Variants in HS3ST3B1 observed in about 807,000 individuals in gnomAD.
HS3ST3B1 encodes the protein heparan sulfate glucosamine 3-O-sulfotransferase 3B1.
In HS3ST3B1, 13 loss-of-function variants were observed where a neutral mutation model predicts 21.3. The ratio of observed to expected loss-of-function variants is 0.61; its 90% CI spans 0.40 to 0.97. The LOEUF (loss-of-function observed/expected upper bound fraction) is 0.97. HS3ST3B1 is among the 50% of genes least tolerant of loss of function. The pLI is 0.00. For synonymous variants in HS3ST3B1, 234 were observed against 254.8 expected, an observed-to-expected ratio of 0.92 and a Z score of 0.78; for missense variants, 459 against 554.8, an observed-to-expected ratio of 0.83 and a Z score of 1.73.
intron 1 of HS3ST3B1, chr17:14,329,367 A>AAAGGAAGGAAGGAAGGAAGG (rs144191311): frequency 4.5e-4 from 48 of 106,222 alleles, no homozygotes; most frequent in African/African-American, 1.6e-3. Context: ...GAAAGAAAGA[A>AAAGGAAGGAAGGAAGGAAGG]AAGGAAGGAA....
chr17:14,332,730 C>T (rs1364120903), intron 1 of HS3ST3B1, among the ~76,000 whole-genome samples: 3 of 151,340 alleles, frequency 2.0e-5, no homozygotes, highest in Non-Finnish European at 4.4e-5. Context: ...GCAGCTGAGG[C>T]CAAGGAGCGG....
intron 1 of HS3ST3B1, among the ~76,000 whole-genome samples, chr17:14,313,658 C>A (rs1744090414): frequency 6.6e-6 from 1 of 152,102 alleles, no homozygotes; most frequent in Admixed American, 6.5e-5. Context: ...GCAACCTCCG[C>A]CTTCCAGGTT....
intron 1 of HS3ST3B1, among the ~76,000 whole-genome samples, chr17:14,336,560 A>C (rs1175280391): frequency 1.3e-5 from 2 of 152,198 alleles, no homozygotes; most frequent in Admixed American, 1.3e-4. Context: ...GTGTTTCTCC[A>C]AAGCCCTGGG....
intron 1 of HS3ST3B1, among the ~76,000 whole-genome samples, chr17:14,335,565 A>C (rs1033842969): frequency 1.3e-5 from 2 of 151,958 alleles, no homozygotes; most frequent in South Asian, 2.1e-4. Context: ...CATGGTGGCG[A>C]CACCTGTAAT....
chr17:14,338,166 A>AC (rs1420583358), intron 1 of HS3ST3B1, among the ~76,000 whole-genome samples: 2 of 151,766 alleles, frequency 1.3e-5, no homozygotes, highest in Non-Finnish European at 2.9e-5. Context: ...TTGTTCTGTC[A>AC]CCAGGCTGGA....
intron 1 of HS3ST3B1, among the ~76,000 whole-genome samples, chr17:14,337,282 G>A (rs1361006186): frequency 6.6e-6 from 1 of 151,512 alleles, no homozygotes; most frequent in Non-Finnish European, 1.5e-5. Context: ...AACTCTCAGA[G>A]GGGTGTGTGT....
chr17:14,322,192 G>A (rs1362955263), intron 1 of HS3ST3B1, among the ~76,000 whole-genome samples: 1 of 152,004 alleles, frequency 6.6e-6, no homozygotes, highest in African/African-American at 2.4e-5. Context: ...TGATCTAGGA[G>A]GTTCTTAGAA....
rs993505768 is a variant in HS3ST3B1 at position 14,348,326 on chromosome 17, C to A, written c.*2680C>A. 6.6e-6 allele frequency: 1 copy of A among 152,198 alleles called. No individual in the cohort carries two copies. The highest frequency in any genetic ancestry group is 2.4e-5 in the African/African-American group (1 of 41,450). 9.4% of individuals were successfully genotyped at this position (152,198 alleles called of 1,614,324 possible). ...GTCAAAATTCTATTCTGGGTCAAAT[C>A]CTTGAATTCAAACAGATGTCCATAA... On this transcript the variant is annotated 3_prime_UTR_variant, in exon 2 of 2. Transcript: ENST00000360954.
At position 14,326,411 on chromosome 17, in the gene HS3ST3B1, G is replaced by A. The variant is rs147255617; in HGVS notation, c.555-18617G>A. ...AAGATGTCTGTGGAAGCAAGGGATGGAGGGATGGACAGAGTGGATGAGGGT... is the reference window on the plus strand; with the variant it reads ...AAGATGTCTGTGGAAGCAAGGGATGAAGGGATGGACAGAGTGGATGAGGGT... On this transcript the variant is annotated intron_variant, in intron 1 of 1. Coordinates refer to ENST00000360954, the MANE Select transcript of HS3ST3B1 (RefSeq NM_006041.3). Among the ~76,000 whole-genome samples the A allele has an allele frequency of 2.7e-3, 404 of 152,326 alleles. 5 individuals carry two copies. The highest frequency in any genetic ancestry group is 2.0e-3 in the Non-Finnish European group (138 of 68,028).
At chr17:14,331,476 A>G (rs918620358) in intron 1 of HS3ST3B1, among the ~76,000 whole-genome samples, 8 of 152,070 alleles carry the variant, frequency 5.3e-5, no homozygotes, top group African/African-American at 1.9e-4. Flanking sequence ...AGCAGTATTG[A>G]AATTCTAGGA....
At chr17:14,343,315 A>G (rs1455722607) in intron 1 of HS3ST3B1, among the ~76,000 whole-genome samples, 3 of 152,156 alleles carry the variant, frequency 2.0e-5, no homozygotes, top group Admixed American at 2.0e-4. Flanking sequence ...CCAACTTATC[A>G]TTTTTTGTGT....
chr17:14,341,256 G>C (rs1187472210), intron 1 of HS3ST3B1, among the ~76,000 whole-genome samples: 4 of 152,200 alleles, frequency 2.6e-5, no homozygotes, highest in Admixed American at 2.6e-4. Context: ...AGAGTTCAGG[G>C]AAGGTTGTGG....
chr17:14,335,629 G>A (rs1161406159), intron 1 of HS3ST3B1, among the ~76,000 whole-genome samples: 6 of 152,058 alleles, frequency 3.9e-5, no homozygotes, highest in African/African-American at 9.7e-5. Context: ...AGGAGGCGGA[G>A]GTTGCAGAGA....
At chr17:14,316,646 C>T (rs147726360) in intron 1 of HS3ST3B1, among the ~76,000 whole-genome samples, 7 of 152,138 alleles carry the variant, frequency 4.6e-5, no homozygotes, top group Non-Finnish European at 7.4e-5. Context: ...CACTAAATAA[C>T]GTGAGTGCCA....
chr17:14,330,555 G>GTA, intron 1 of HS3ST3B1, among the ~76,000 whole-genome samples: 1 of 137,240 alleles, frequency 7.3e-6, no homozygotes, highest in African/African-American at 3.5e-5. Context: ...TTCCCGGTGT[G>GTA]TGTGTGTGTG....
Position 14,325,086 on chromosome 17 carries a change from A to C in HS3ST3B1, c.555-19942A>C, listed in dbSNP as rs530689463. The stretch of plus-strand genomic sequence containing the variant: ...CAGCTTTTAAAAAAAGAAAACCTTA[A>C]TTACACAAATCACAAAAACAAGCTG... On this transcript the variant is annotated intron_variant, in intron 1 of 1. Transcript: ENST00000360954. Among the ~76,000 whole-genome samples, 5 of 152,344 alleles carry C rather than the reference A, an allele frequency of 3.3e-5. No homozygotes were observed. In the South Asian group the frequency reaches 1.0e-3, roughly 32 times the overall value.
intron 1 of HS3ST3B1, chr17:14,305,218 T>G (rs1005874696): frequency 2.0e-5 from 3 of 152,304 alleles, no homozygotes; most frequent in Admixed American, 6.5e-5. Flanking sequence ...TCTGCGATGA[T>G]GACTCTTCTG....
chr17:14,340,568 C>A (rs1043005789), intron 1 of HS3ST3B1, among the ~76,000 whole-genome samples: 6 of 152,030 alleles, frequency 3.9e-5, no homozygotes, highest in Admixed American at 3.9e-4. Context: ...ATTTAACAAG[C>A]GTGATTAATT....
chr17:14,303,074 G>C lies in HS3ST3B1; in HGVS notation c.554+1002G>C, dbSNP rs895639105. ...CAGCTGCTGGTCTTTGGGGTGAGCT[G>C]TTGGGTTGCCCGAGCTTCGGGTAAG... is the stretch of plus-strand genomic sequence containing the variant. On this transcript the variant is annotated intron_variant, in intron 1 of 1. Coordinates refer to ENST00000360954, the MANE Select transcript of HS3ST3B1 (RefSeq NM_006041.3). This position sits in a 1 kb window ranked among gnomAD's most constrained non-coding sequence, Gnocchi z 5.7. Among the ~76,000 whole-genome samples the C allele has an allele frequency of 6.6e-6, 1 of 152,162 alleles. No individual in the cohort carries two copies. Among genetic ancestry groups the C allele is most frequent in the African/African-American group, 2.4e-5 (1 of 41,436 alleles).
Sources: gnomAD v4.1 joint callset for allele counts (sites outside exome capture counted in the v4.1 genomes callset) on GRCh38, gnomAD v4.1.1 for gene constraint, Gnocchi (gnomAD v3.1) non-coding constraint, MANE v1.5 for transcripts, NCBI Gene and HGNC (gene_info 2026-07-23, HGNC 2026-07-21) for gene names.